The following NEK1 variants were observed in gnomAD, a reference collection of about 807,000 sequenced individuals.
NEK1 encodes NIMA related kinase 1.
A neutral mutation model predicts 182.1 loss-of-function variants in NEK1; 137 were observed. That is an observed-to-expected ratio of 0.75 (90% CI 0.65 to 0.87). The LOEUF (loss-of-function observed/expected upper bound fraction) is 0.87. NEK1 is among the 40% of genes least tolerant of loss of function. NEK1 has a pLI of 0.00. For synonymous variants in NEK1, 513 were observed against 492.2 expected (o/e 1.04, Z -0.56); for missense variants, 1,391 against 1,494.4 (o/e 0.93, Z 1.14).
rs902299499 is a variant in NEK1, at chr4:169,583,372, C to T, written c.807+1977G>A. On this transcript the variant is annotated intron_variant, in intron 10 of 35. Transcript: ENST00000507142. Reference sequence around the variant, plus strand: ...AAGGTTTTTATCTTTAAACAACAAGCGATATATAGTAGAAAATAAATCTGA... The same window carrying T: ...AAGGTTTTTATCTTTAAACAACAAGTGATATATAGTAGAAAATAAATCTGA... 4.2e-4 allele frequency among the ~76,000 whole-genome samples: 63 copies of T among 151,216 alleles called. 1 individual carries two copies. Among genetic ancestry groups the T allele is most frequent in the Admixed American group, 2.0e-4 (3 of 15,184 alleles).
intron 28 of NEK1, among the ~76,000 whole-genome samples, chr4:169,437,825 C>A (rs1738707661): frequency 6.6e-6 from 1 of 152,106 alleles, no homozygotes; most frequent in African/African-American, 2.4e-5. Flanking sequence ...TAGGAAAAAT[C>A]ACATTAGACA....
At chr4:169,457,725 G>A (rs1259532625) in intron 27 of NEK1, among the ~76,000 whole-genome samples, 1 of 127,366 alleles carries the variant, frequency 7.9e-6, no homozygotes, top group Non-Finnish European at 1.6e-5. Context: ...GGAGAGGGAG[G>A]GAAGAGGAGG....
At chr4:169,457,622 A>AGGAGAAAG (rs1490549949) in intron 27 of NEK1, among the ~76,000 whole-genome samples, 1 of 146,610 alleles carries the variant, frequency 6.8e-6, no homozygotes, top group Non-Finnish European at 1.5e-5. Flanking sequence ...AAAGGAGAAA[A>AGGAGAAAG]GGAGAAAGGG....
chr4:169,575,918 A>AT (rs1561446334), intron 12 of NEK1, among the ~76,000 whole-genome samples: 1 of 151,292 alleles, frequency 6.6e-6, no homozygotes, highest in African/African-American at 2.4e-5. Context: ...TTAAAAAAAA[A>AT]ATTTTTTTAC....
In NEK1 at chr4:169,555,865, T is replaced by C. The variant is rs768514900; in HGVS notation, c.1431-14A>G. 5 of 1,613,860 alleles carry C rather than the reference T, an allele frequency of 3.1e-6. No individual in the cohort carries two copies. The highest frequency in any genetic ancestry group is 2.2e-5 in the South Asian group (2 of 91,076). ...GGCAGAATTCCTCTGTAGATAAATA[T>C]GCACAGTGACTTTCATTACTATCTC... On this transcript the variant is annotated splice_polypyrimidine_tract_variant and intron_variant, in intron 17 of 35. Transcript: ENST00000507142.
intron 11 of NEK1, among the ~76,000 whole-genome samples, chr4:169,579,787 CAA>C (rs759017295): frequency 2.2e-4 from 25 of 114,698 alleles, no homozygotes; most frequent in Admixed American, 3.7e-4. Context: ...GACTCCATCT[CAA>C]AAAAAAAAAA....
At chr4:169,470,534 C>G (rs990000293) in intron 26 of NEK1, among the ~76,000 whole-genome samples, 1 of 152,200 alleles carries the variant, frequency 6.6e-6, no homozygotes, top group African/African-American at 2.4e-5. Context: ...CAACCTTTCT[C>G]TTTGGCTGCC....
chr4:169,525,617 G>A (rs1177714444), intron 19 of NEK1, among the ~76,000 whole-genome samples: 1 of 151,994 alleles, frequency 6.6e-6, no homozygotes, highest in Non-Finnish European at 1.5e-5. Context: ...AGCTTTACTA[G>A]AGCATAGCCA....
intron 35 of NEK1, among the ~76,000 whole-genome samples, chr4:169,396,418 C>A (rs1036025525): frequency 2.2e-5 from 3 of 136,796 alleles, no homozygotes; most frequent in Admixed American, 7.7e-5. Flanking sequence ...AAACTTGGGC[C>A]GCTAATGCTA....
At chr4:169,421,437 C>A (rs1735477169) in intron 31 of NEK1, among the ~76,000 whole-genome samples, 1 of 152,090 alleles carries the variant, frequency 6.6e-6, no homozygotes, top group African/African-American at 2.4e-5. Flanking sequence ...TGTCCCCACC[C>A]AAATCTCATC....
intron 27 of NEK1, among the ~76,000 whole-genome samples, chr4:169,446,091 ATGC>A (rs1740505374): frequency 6.6e-6 from 1 of 151,954 alleles, no homozygotes; most frequent in South Asian, 2.1e-4. Flanking sequence ...TGGCTGGTTA[ATGC>A]ATACAAAATA....
At chr4:169,471,653 G>A (rs914275915) in intron 26 of NEK1, among the ~76,000 whole-genome samples, 3 of 152,204 alleles carry the variant, frequency 2.0e-5, no homozygotes, top group African/African-American at 7.2e-5. Context: ...CTTGAGCGCT[G>A]TGGTGAGAGA....
chr4:169,472,611 G>T (rs146740752), intron 26 of NEK1, among the ~76,000 whole-genome samples: 3 of 152,124 alleles, frequency 2.0e-5, no homozygotes, highest in African/African-American at 2.4e-5. Context: ...CAACTTACTT[G>T]TATCTTTCTA....
chr4:169,501,448 T>C (rs1293816148), intron 23 of NEK1, among the ~76,000 whole-genome samples: 1 of 152,222 alleles, frequency 6.6e-6, no homozygotes, highest in South Asian at 2.1e-4. Flanking sequence ...AGAATATACA[T>C]TCTTTTTATC....
intron 27 of NEK1, among the ~76,000 whole-genome samples, chr4:169,440,596 C>T (rs931899380): frequency 2.0e-5 from 3 of 152,104 alleles, no homozygotes; most frequent in African/African-American, 7.2e-5. Context: ...AATTCAGCCG[C>T]AAAGGGATGG....
intron 12 of NEK1, among the ~76,000 whole-genome samples, chr4:169,562,888 G>A (rs1763137252): frequency 6.6e-6 from 1 of 151,942 alleles, no homozygotes; most frequent in South Asian, 2.1e-4. Flanking sequence ...GTTGTTAATG[G>A]ACTCATACAA....
chr4:169,546,290 G>C (rs182464401), intron 18 of NEK1, among the ~76,000 whole-genome samples: 2 of 152,122 alleles, frequency 1.3e-5, no homozygotes, highest in African/African-American at 4.8e-5. Flanking sequence ...GGAGTTGTGC[G>C]ATTTTGAGTG....
intron 23 of NEK1, among the ~76,000 whole-genome samples, chr4:169,496,228 G>T (rs1186406876): frequency 1.3e-5 from 2 of 152,112 alleles, no homozygotes; most frequent in Admixed American, 6.5e-5. Flanking sequence ...GTATAAGACT[G>T]CTTGTGATTT....
chr4:169,395,153 GT>G (rs1487623539), intron 35 of NEK1, among the ~76,000 whole-genome samples: 1 of 152,032 alleles, frequency 6.6e-6, no homozygotes, highest in Non-Finnish European at 1.5e-5. Context: ...AAACAGACTG[GT>G]TAACTTAATC....
Sources: allele counts gnomAD v4.1 joint callset (sites outside exome capture counted in the v4.1 genomes callset), GRCh38; gene constraint gnomAD v4.1.1; transcripts MANE v1.5; gene names NCBI Gene and HGNC (gene_info 2026-07-23, HGNC 2026-07-21).